The following PRKAR1B variants were observed in gnomAD, a reference collection of about 807,000 sequenced individuals.
PRKAR1B encodes cAMP-dependent protein kinase type I-beta regulatory subunit.
In PRKAR1B, 22 loss-of-function variants were observed where a neutral mutation model predicts 46.5. That is an observed-to-expected ratio of 0.47 (90% CI 0.34 to 0.68). PRKAR1B has a LOEUF of 0.68. PRKAR1B is among the 30% of genes least tolerant of loss of function. PRKAR1B has a pLI of 0.01. For missense variants in PRKAR1B, 445 were observed against 535.6 expected (o/e 0.83, Z 1.67); for synonymous variants, 259 against 217.7 (o/e 1.19, Z -1.67).
chr7:655,877 C>A (rs1250672972), intron 4 of PRKAR1B, among the ~76,000 whole-genome samples: 1 of 152,138 alleles, frequency 6.6e-6, no homozygotes, highest in African/African-American at 2.4e-5. Flanking sequence ...CAAATGACGC[C>A]CCTACTTCCT....
chr7:610,213 T>C lies in PRKAR1B; in HGVS notation c.441-2761A>G, dbSNP rs576692397. 2.0e-3 allele frequency among the ~76,000 whole-genome samples: 298 copies of C among 152,310 alleles called. 2 individuals carry two copies. Among genetic ancestry groups the C allele is most frequent in the Middle Eastern group, 3.4e-3 (1 of 294 alleles). On this transcript the variant is annotated intron_variant, in intron 4 of 10. Coordinates refer to ENST00000537384, the MANE Select transcript of PRKAR1B (RefSeq NM_001164760.2). ...TGGCTGCACCCCAGTGACTCGAGGC[T>C]CACGTTCCACTCACGTGCTTCTACC...
At chr7:570,178 G>A (rs942577612) in intron 9 of PRKAR1B, among the ~76,000 whole-genome samples, 3 of 152,190 alleles carry the variant, frequency 2.0e-5, no homozygotes, top group African/African-American at 2.4e-5. Flanking sequence ...GGGAGGACGC[G>A]CGGCCGGTGC....
intron 9 of PRKAR1B, among the ~76,000 whole-genome samples, chr7:569,295 G>C (rs918278359): frequency 6.6e-6 from 1 of 152,202 alleles, no homozygotes; most frequent in Non-Finnish European, 1.5e-5. Flanking sequence ...TCCACGCAGA[G>C]AACAGCCTGC....
At position 550,671 on chromosome 7, in the gene PRKAR1B, T is replaced by G. The variant is rs552295059; in HGVS notation, c.974-69A>C. On this transcript the variant is annotated intron_variant, in intron 10 of 10. Coordinates refer to ENST00000537384, the MANE Select transcript of PRKAR1B (RefSeq NM_001164760.2). ...GAGGCTGCAGCAGGGAAAGATTATG[T>G]CCAGGACCCTGGAAGCGGCTCCCTT... The G allele has an allele frequency of 3.0e-6, 4 of 1,346,478 alleles. No individual in the cohort carries two copies. The African/African-American group carries it at 4.4e-5, about 15-fold the overall frequency. The allele number at this position is 1,346,478 out of a possible 1,614,324, so 83.4% of individuals were successfully genotyped here. A position where few individuals can be genotyped will look rare whatever the true frequency, so the allele number is the denominator to read the frequency against.
chr7:707,329 C>T (rs1780381136), intron 2 of PRKAR1B, among the ~76,000 whole-genome samples: 1 of 152,188 alleles, frequency 6.6e-6, no homozygotes, highest in Non-Finnish European at 1.5e-5. Context: ...AACATTTTGG[C>T]GGACGCCCCT....
intron 4 of PRKAR1B, among the ~76,000 whole-genome samples, chr7:661,311 T>A (rs1431200456): frequency 3.2e-5 from 1 of 31,482 alleles, no homozygotes; most frequent in Admixed American, 4.7e-4. Flanking sequence ...CTCCCCCCCA[T>A]GGCACAGGTC....
intron 4 of PRKAR1B, among the ~76,000 whole-genome samples, chr7:645,165 G>A (rs1784561813): frequency 1.3e-5 from 2 of 152,134 alleles, no homozygotes; most frequent in African/African-American, 4.8e-5. Flanking sequence ...TCACTCGGCA[G>A]GCAGCAGGCA....
Position 593,545 on chromosome 7 carries a change from C to T in PRKAR1B, c.708+2601G>A, listed in dbSNP as rs983543605. 6.6e-6 allele frequency among the ~76,000 whole-genome samples: 1 copy of T among 152,160 alleles called. No homozygotes were observed. Among genetic ancestry groups the T allele is most frequent in the Non-Finnish European group, 1.5e-5 (1 of 68,024 alleles). ...AATCCCCCAGCCGGGAGCGACAGGG[C>T]GTCAAGGATGGTGGGGAAACGGCTT... is the stretch of plus-strand genomic sequence containing the variant. On this transcript the variant is annotated intron_variant, in intron 7 of 10. Coordinates refer to ENST00000537384, the MANE Select transcript of PRKAR1B (RefSeq NM_001164760.2). This position sits in a 1 kb window ranked among gnomAD's most constrained non-coding sequence, Gnocchi z 6.1.
At chr7:695,063 C>T (rs916774060) in intron 2 of PRKAR1B, among the ~76,000 whole-genome samples, 5 of 150,580 alleles carry the variant, frequency 3.3e-5, no homozygotes, top group South Asian at 2.1e-4. Flanking sequence ...AGCGAACAAA[C>T]GAGAAATGAA....
chr7:559,583 A>G (rs960759540), intron 9 of PRKAR1B, among the ~76,000 whole-genome samples: 1 of 152,202 alleles, frequency 6.6e-6, no homozygotes, highest in Non-Finnish European at 1.5e-5. Context: ...AGCCCAGACC[A>G]GAGACCGTCT....
At chr7:636,421 CA>C (rs1784102850) in intron 4 of PRKAR1B, among the ~76,000 whole-genome samples, 1 of 81,362 alleles carries the variant, frequency 1.2e-5, no homozygotes, top group Admixed American at 1.3e-4. Flanking sequence ...GCCGCGCCCA[CA>C]CGTCCTCCAC....
At chr7:598,654 C>T (rs182195537) in intron 6 of PRKAR1B, among the ~76,000 whole-genome samples, 44 of 151,998 alleles carry the variant, frequency 2.9e-4, no homozygotes, top group African/African-American at 1.0e-3. Context: ...ACACTATCAC[C>T]CTCCCTCCAG....
chr7:620,852 G>C (rs1399257125), intron 4 of PRKAR1B, among the ~76,000 whole-genome samples: 1 of 152,138 alleles, frequency 6.6e-6, no homozygotes, highest in African/African-American at 2.4e-5. Context: ...GAGCCTCATT[G>C]TGGTCCCTCC....
chr7:628,767 CT>C (rs1294037009), intron 4 of PRKAR1B, among the ~76,000 whole-genome samples: 3 of 152,240 alleles, frequency 2.0e-5, no homozygotes, highest in African/African-American at 7.2e-5. Context: ...TTTCACCCCC[CT>C]GACCATCTCC....
intron 2 of PRKAR1B, among the ~76,000 whole-genome samples, chr7:682,528 G>A (rs1368164838): frequency 6.6e-6 from 1 of 152,050 alleles, no homozygotes; most frequent in East Asian, 1.9e-4. Flanking sequence ...GGTGGATCAC[G>A]AGGTCAGGAG....
intron 4 of PRKAR1B, among the ~76,000 whole-genome samples, chr7:663,947 C>T (rs948350088): frequency 3.9e-5 from 6 of 152,210 alleles, no homozygotes; most frequent in East Asian, 1.9e-4. Context: ...CCACGGAAAC[C>T]GTGTGACCTG....
At chr7:591,757 T>A (rs1780990812) in intron 7 of PRKAR1B, among the ~76,000 whole-genome samples, 1 of 151,956 alleles carries the variant, frequency 6.6e-6, no homozygotes, top group Non-Finnish European at 1.5e-5. Flanking sequence ...GCACTGTCAG[T>A]GGGGTGAAAT....
intron 9 of PRKAR1B, among the ~76,000 whole-genome samples, chr7:575,342 T>C (rs1175418891): frequency 2.6e-5 from 4 of 152,162 alleles, no homozygotes. Flanking sequence ...AAGAAGAGCA[T>C]CCCGGGAGCA....
At chr7:727,339 CACACG>C, upstream of PRKAR1B, 2 of 1,221,750 alleles carry the variant, frequency 1.6e-6, no homozygotes, top group Non-Finnish European at 1.0e-6. Flanking sequence ...GCCCCGCTCC[CACACG>C]CCACCCCACA....
Sources: gnomAD v4.1 joint callset for allele counts (sites outside exome capture counted in the v4.1 genomes callset) on GRCh38, gnomAD v4.1.1 for gene constraint, Gnocchi (gnomAD v3.1) non-coding constraint, MANE v1.5 for transcripts, NCBI Gene and HGNC (gene_info 2026-07-23, HGNC 2026-07-21) for gene names.